The following IKBIP variants were observed in gnomAD, a reference collection of about 807,000 sequenced individuals.
The protein encoded by IKBIP is IKBKB interacting protein.
A neutral mutation model predicts 31.0 loss-of-function variants in IKBIP; 28 were observed. The observed-to-expected ratio is 0.90, with a 90% CI of 0.67 to 1.24. IKBIP has a LOEUF of 1.24. Ranked by LOEUF, IKBIP falls within the 50% of genes most tolerant of loss-of-function variation. IKBIP has a pLI of 0.00. For missense variants in IKBIP, 453 were observed against 441.9 expected, an observed-to-expected ratio of 1.03 and a Z score of -0.23; for synonymous variants, 164 against 160.3, an observed-to-expected ratio of 1.02 and a Z score of -0.17.
intron 2 of IKBIP, among the ~76,000 whole-genome samples, chr12:98,616,665 T>C (rs947890937): frequency 2.6e-5 from 4 of 152,178 alleles, no homozygotes; most frequent in African/African-American, 9.6e-5. Context: ...TTTTTGTATA[T>C]GGTTTGATAT....
chr12:98,644,533 C>T lies in IKBIP; in HGVS notation c.169G>A (p.Gly57Ser), dbSNP rs751516302. ...LSLLSLGTCL[G>S]LAWFVFQQSE... is the part of the protein sequence containing the mutation. ...CTCGCGTCCACTTACCAGGCCAGGC[C>T]CAGGCACGTCCCCAGCGACAGCAGG... Residue 57 changes from glycine (G) to serine (S), a missense_variant, in exon 1 of 3, where the codon GGC becomes AGC. By Grantham distance (56) the Gly-to-Ser change is moderately conservative (BLOSUM62 0). Transcript: ENST00000299157. The T allele has an allele frequency of 1.2e-5, 20 of 1,601,454 alleles. No individual in the cohort carries two copies. In the South Asian group the frequency reaches 2.1e-4, roughly 17 times the overall value.
chr12:98,637,550 A>C (rs2097626864), intron 1 of IKBIP, among the ~76,000 whole-genome samples: 1 of 151,466 alleles, frequency 6.6e-6, no homozygotes, highest in Non-Finnish European at 1.5e-5. Flanking sequence ...CTGGGACTAC[A>C]GGCGTGTGCC....
intron 1 of IKBIP, among the ~76,000 whole-genome samples, chr12:98,634,845 G>A (rs1388462385): frequency 2.0e-5 from 3 of 151,198 alleles, no homozygotes; most frequent in South Asian, 2.1e-4. Flanking sequence ...GAGTAGCTAC[G>A]ACTACAGGCG....
At chr12:98,644,369 C>A (rs560905576) in intron 1 of IKBIP, among the ~76,000 whole-genome samples, 154 bp downstream of exon 1, 1 of 152,310 alleles carries the variant, frequency 6.6e-6, no homozygotes, top group East Asian at 1.9e-4. Context: ...AAAAACAAGG[C>A]TGGGCTGTTT....
chr12:98,631,637 G>A (rs1210782762), intron 2 of IKBIP, among the ~76,000 whole-genome samples: 1 of 149,506 alleles, frequency 6.7e-6, no homozygotes, highest in African/African-American at 2.5e-5. Context: ...GACGGGTGTG[G>A]TGGTACACAC....
chr12:98,621,584 G>T (rs899011290), downstream of IKBIP, among the ~76,000 whole-genome samples: 2 of 152,160 alleles, frequency 1.3e-5, no homozygotes, highest in Admixed American at 6.5e-5. Flanking sequence ...AACAGTAGCA[G>T]GCTCCATGGT....
chr12:98,640,655 C>G (rs2097629588), intron 1 of IKBIP, among the ~76,000 whole-genome samples: 1 of 152,168 alleles, frequency 6.6e-6, no homozygotes, highest in East Asian at 1.9e-4. Context: ...CAATTCTTAC[C>G]TGAAAAATTT....
At chr12:98,627,563 T>C (rs369824488) in intron 2 of IKBIP, among the ~76,000 whole-genome samples, 31 of 151,686 alleles carry the variant, frequency 2.0e-4, no homozygotes, top group African/African-American at 7.2e-4. Context: ...CTCAGCCTCC[T>C]GAGTAGCTGG....
At chr12:98,630,379 A>G (rs1225971763) in intron 2 of IKBIP, among the ~76,000 whole-genome samples, 1 of 35,878 alleles carries the variant, frequency 2.8e-5, no homozygotes, top group Admixed American at 3.6e-4. Flanking sequence ...GCCTGGGCAA[A>G]AAAAAAAAAA....
At chr12:98,619,218 A>G (rs2097608202) in intron 2 of IKBIP, among the ~76,000 whole-genome samples, 1 of 152,248 alleles carries the variant, frequency 6.6e-6, no homozygotes, top group African/African-American at 2.4e-5. Flanking sequence ...GTTTTGCAAC[A>G]TAGTGTATTT....
Position 98,624,547 on chromosome 12 carries a change from C to A in IKBIP, c.*1383G>T. The A allele has an allele frequency of 1.0e-6, 1 of 983,762 alleles. No homozygotes were observed. The highest frequency in any genetic ancestry group is 1.2e-6 in the Non-Finnish European group (1 of 828,468). 60.9% of individuals were successfully genotyped at this position (983,762 alleles called of 1,614,324 possible). A position where few individuals can be genotyped will look rare whatever the true frequency, so the allele number is the denominator to read the frequency against. ...TTTTGTAACTGACTGCTTTCAAGTT[C>A]TTTGTGTTTAATTCCATCAAAAACT... On this transcript the variant is annotated 3_prime_UTR_variant, in exon 3 of 3. Transcript: ENST00000299157.
At chr12:98,640,463 A>G (rs2097629429) in intron 1 of IKBIP, among the ~76,000 whole-genome samples, 1 of 152,052 alleles carries the variant, frequency 6.6e-6, no homozygotes, top group Non-Finnish European at 1.5e-5. Flanking sequence ...AAAACAAAAC[A>G]AAACAAAACA....
At chr12:98,641,122 T>A (rs2097630024) in intron 1 of IKBIP, among the ~76,000 whole-genome samples, 1 of 152,224 alleles carries the variant, frequency 6.6e-6, no homozygotes, top group South Asian at 2.1e-4. Flanking sequence ...GTTTCTTATG[T>A]ATTATTTCTC....
rs2097613340 is a variant in IKBIP, at chr12:98,625,402, C to T, written c.*528G>A. On this transcript the variant is annotated 3_prime_UTR_variant, in exon 3 of 3. Transcript: ENST00000299157. Reference sequence around the variant, plus strand: ...CTCAGGCATGTTATCTTTTATTTTACACAAAATTCCCATGAACTTGGTTGT... The same window carrying T: ...CTCAGGCATGTTATCTTTTATTTTATACAAAATTCCCATGAACTTGGTTGT... 1 of 638,668 alleles carries T rather than the reference C, an allele frequency of 1.6e-6. No homozygotes were observed. Among genetic ancestry groups the T allele is most frequent in the Non-Finnish European group, 1.9e-6 (1 of 513,722 alleles). 39.6% of individuals were successfully genotyped at this position (638,668 alleles called of 1,614,324 possible).
chr12:98,626,109 T>C lies in IKBIP; in HGVS notation c.955A>G (p.Met319Val). The C allele has an allele frequency of 1.2e-6, 2 of 1,603,366 alleles. No homozygotes were observed. Among genetic ancestry groups the C allele is most frequent in the Middle Eastern group, 1.7e-4 (1 of 6,016 alleles). The change falls in exon 3 of 3, where the codon ATG becomes GTG. Residue 319 changes from methionine (M) to valine (V), a missense_variant. Met to Val is a conservative substitution (Grantham distance 21, BLOSUM62 1). Transcript: ENST00000299157. ...CCTTCAAGGGTTTTCTGCATCTCCA[T>C]TATTTCAGACACTGCTTTCAGCATA... is the stretch of plus-strand genomic sequence containing the variant. ...DDMLKAVSEIMEMQKTLEGIQ... is the reference protein window; with the variant it reads ...DDMLKAVSEIVEMQKTLEGIQ...
downstream of IKBIP, among the ~76,000 whole-genome samples, chr12:98,619,873 G>GAACA (rs1436487851): frequency 8.7e-5 from 6 of 68,998 alleles, no homozygotes; most frequent in Non-Finnish European, 1.6e-4. Flanking sequence ...CCCTTTCTCA[G>GAACA]AAAAAAAAAA....
chr12:98,639,929 AAGC>A (rs1282902525), intron 1 of IKBIP, among the ~76,000 whole-genome samples: 1 of 152,326 alleles, frequency 6.6e-6, no homozygotes, highest in East Asian at 1.9e-4. Flanking sequence ...CATTTTTAAG[AAGC>A]AGGACATTTA....
At chr12:98,619,142 G>A (rs574890072) in intron 2 of IKBIP, among the ~76,000 whole-genome samples, 34 of 152,236 alleles carry the variant, frequency 2.2e-4, no homozygotes, top group African/African-American at 7.5e-4. Flanking sequence ...GACATTAAGC[G>A]GTAGCCACAA....
chr12:98,632,149 C>T (rs1256907392), intron 2 of IKBIP, among the ~76,000 whole-genome samples: 5 of 151,912 alleles, frequency 3.3e-5, no homozygotes, highest in South Asian at 2.1e-4. Flanking sequence ...CCACCGCGTC[C>T]GGCCTTCAAT....
Sources: gnomAD v4.1 joint callset for allele counts (sites outside exome capture counted in the v4.1 genomes callset) on GRCh38, gnomAD v4.1.1 for gene constraint, MANE v1.5 for transcripts, NCBI Gene and HGNC (gene_info 2026-07-23, HGNC 2026-07-21) for gene names.